The following OTP variants were observed in gnomAD, a reference collection of about 807,000 sequenced individuals.
OTP encodes the protein orthopedia homeobox.
OTP carries 5 observed loss-of-function variants against 22.3 expected under a neutral mutation model. The observed-to-expected ratio is 0.22, with a 90% confidence interval of 0.12 to 0.47. The LOEUF (loss-of-function observed/expected upper bound fraction) is 0.47. OTP is among the 20% of genes least tolerant of loss of function. The probability of loss-of-function intolerance (pLI) is 0.99; values close to 1 mark genes in which losing one functional copy is unlikely to be tolerated. For synonymous variants in OTP, 229 were observed against 210.6 expected (o/e 1.09, Z -0.76); for missense variants, 428 against 456.2 (o/e 0.94, Z 0.56).
chr5:77,630,366 C>A lies in OTP; in HGVS notation c.876G>T (p.Gln292His). ...CGCTGCTGTCCGGGGAGCTGCAGAGCTGGGGCGAACCGGAGACGTTGCTGG... is the reference window on the plus strand; with the variant it reads ...CGCTGCTGTCCGGGGAGCTGCAGAGATGGGGCGAACCGGAGACGTTGCTGG... ...PGPSNVSGSP[Q>H]LCSSPDSSDV... Residue 292 changes from glutamine (Q) to histidine (H), a missense_variant, in exon 3 of 3, where the codon CAG becomes CAT. Gln to His is a conservative substitution (Grantham distance 24, BLOSUM62 0). Transcript: ENST00000306422. 6.3e-7 allele frequency: 1 copy of A among 1,576,204 alleles called. No homozygotes were observed. The highest frequency in any genetic ancestry group is 8.6e-7 in the Non-Finnish European group (1 of 1,164,918).
At chr5:77,636,148 A>T (rs975831639) in intron 2 of OTP, 1 of 151,950 alleles carries the variant, frequency 6.6e-6, no homozygotes, top group African/African-American at 2.4e-5. Flanking sequence ...CCCCTCCCCC[A>T]CCGTAGCTTC....
At chr5:77,636,482 G>A (rs948379844) in intron 2 of OTP, 5 of 313,924 alleles carry the variant, frequency 1.6e-5, no homozygotes, top group African/African-American at 4.3e-5. Flanking sequence ...GCGAGCAGGA[G>A]TTGAGGTGTG....
At chr5:77,637,320 C>A (rs1168925055) in intron 1 of OTP, 90 bp from the exon 2 acceptor site, 3 of 1,380,022 alleles carry the variant, frequency 2.2e-6, no homozygotes, top group Admixed American at 5.7e-5. Flanking sequence ...AACCCGTCCT[C>A]GGCCCCCTCC....
chr5:77,635,726 A>C (rs2112371570), intron 2 of OTP, among the ~76,000 whole-genome samples: 1 of 152,334 alleles, frequency 6.6e-6, no homozygotes, highest in African/African-American at 2.4e-5. Flanking sequence ...GCACTGGTTT[A>C]ACAAATTGAC....
intron 1 of OTP, among the ~76,000 whole-genome samples, chr5:77,637,981 A>G (rs993094200): frequency 2.0e-5 from 3 of 152,074 alleles, no homozygotes; most frequent in Admixed American, 2.0e-4. Context: ...CTTGCAGAAG[A>G]GGGGGGGATG....
In OTP at chr5:77,630,659, T is replaced by TGGC. The variant is rs1561245310; in HGVS notation, c.580_582dup (p.Ala194dup). On this transcript the variant is annotated inframe_insertion, in exon 3 of 3. Transcript: ENST00000306422. ...TGGAAAGAGCACAGGCTGTCGCCCA[T>TGGC]GGCGGCGGCAGCGGCGGCGGCAGCC... The TGGC allele has an allele frequency of 1.3e-6, 2 of 1,579,266 alleles. No homozygotes were observed. The highest frequency in any genetic ancestry group is 2.3e-5 in the South Asian group (2 of 88,690).
rs368597395 is a variant in OTP, at chr5:77,637,022, C to T, written c.246G>A (p.Lys82=). The T allele has an allele frequency of 6.2e-7, 1 of 1,612,988 alleles. No homozygotes were observed. The highest frequency in any genetic ancestry group is 2.2e-5 in the East Asian group (1 of 44,854). Residue 82 remains lysine, a synonymous_variant, in exon 2 of 3, where the codon AAG becomes AAA. Transcript: ENST00000306422. ...TCGGGCCGCCCTGGGGCCCGGGCTG[C>T]TTGTCCGGGTCTTTGGCGCTCACCG... The part of the protein sequence containing the change: ...SLAVSAKDPD[K]QPGPQGGPNP...
intron 2 of OTP, among the ~76,000 whole-genome samples, chr5:77,633,004 G>A (rs1311679011): frequency 6.6e-6 from 1 of 152,148 alleles, no homozygotes. Flanking sequence ...TGACTAAACG[G>A]TTCCCACACC....
chr5:77,628,913 C>A lies in OTP; in HGVS notation c.*1351G>T, dbSNP rs1005276134. ...AGAATGCTTTATCTACACAAAACAT[C>A]CTATTTCACATATTTGTTCATTCTT... On this transcript the variant is annotated 3_prime_UTR_variant, in exon 3 of 3. Coordinates refer to ENST00000306422, the MANE Select transcript of OTP (RefSeq NM_032109.3). The A allele has an allele frequency of 6.6e-5, 10 of 152,616 alleles. No individual in the cohort carries two copies. The highest frequency in any genetic ancestry group is 2.4e-4 in the African/African-American group (10 of 41,438). The allele number at this position is 152,616 out of a possible 1,614,324, so 9.5% of individuals were successfully genotyped here.
Position 77,630,256 on chromosome 5 carries a change from C to A in OTP, c.*8G>T. The A allele has an allele frequency of 6.6e-7, 1 of 1,506,684 alleles. No homozygotes were observed. The highest frequency in any genetic ancestry group is 8.8e-7 in the Non-Finnish European group (1 of 1,131,598). 93.3% of individuals were successfully genotyped at this position (1,506,684 alleles called of 1,614,324 possible). A position where few individuals can be genotyped will look rare whatever the true frequency, so the allele number is the denominator to read the frequency against. On this transcript the variant is annotated 3_prime_UTR_variant, in exon 3 of 3. Coordinates refer to ENST00000306422, the MANE Select transcript of OTP (RefSeq NM_032109.3). ...GCTGGGGGCGGAGCGGGCCGGGGCG[C>A]GGCTGCATTAAGTGAAGCTCATAGA... is the stretch of plus-strand genomic sequence containing the variant.
intron 1 of OTP, among the ~76,000 whole-genome samples, chr5:77,638,273 G>T (rs1745041165): frequency 6.8e-6 from 1 of 148,146 alleles, no homozygotes; most frequent in African/African-American, 2.5e-5. Context: ...GGCGGGGGAG[G>T]GGGGAAGAGA....
chr5:77,635,009 C>T (rs1744986135), intron 2 of OTP, among the ~76,000 whole-genome samples: 1 of 152,124 alleles, frequency 6.6e-6, no homozygotes, highest in South Asian at 2.1e-4. Flanking sequence ...GAATAACTGT[C>T]ATTAACCTTT....
chr5:77,632,023 A>G (rs1744938909), intron 2 of OTP, among the ~76,000 whole-genome samples: 1 of 152,200 alleles, frequency 6.6e-6, no homozygotes. Context: ...ATCAAATTTA[A>G]TTTTGCTCAG....
chr5:77,630,832 T>C (rs990456744), intron 2 of OTP, 38 bp from the exon 3 acceptor site: 1 of 1,490,702 alleles, frequency 6.7e-7, no homozygotes, highest in African/African-American at 1.4e-5. Context: ...AGGGAGCTAT[T>C]AGCCGGCCCG....
At chr5:77,635,671 T>C (rs1415365273) in intron 2 of OTP, among the ~76,000 whole-genome samples, 1 of 152,220 alleles carries the variant, frequency 6.6e-6, no homozygotes, top group African/African-American at 2.4e-5. Flanking sequence ...TTAGATCAAA[T>C]GTAAAGTAAC....
At chr5:77,633,674 T>G (rs571023200) in intron 2 of OTP, among the ~76,000 whole-genome samples, 1 of 152,204 alleles carries the variant, frequency 6.6e-6, no homozygotes, top group Non-Finnish European at 1.5e-5. Flanking sequence ...TACAGTAATA[T>G]AGACATACTG....
chr5:77,631,352 C>T (rs1286122706), intron 2 of OTP, among the ~76,000 whole-genome samples: 1 of 152,130 alleles, frequency 6.6e-6, no homozygotes, highest in Non-Finnish European at 1.5e-5. Flanking sequence ...GAGGTTAATA[C>T]AGTGATCTGC....
At chr5:77,637,591 C>CG (rs573564915) in intron 1 of OTP, among the ~76,000 whole-genome samples, 231 of 152,266 alleles carry the variant, frequency 1.5e-3, no homozygotes, top group African/African-American at 5.4e-3. Flanking sequence ...CACAGGGGTG[C>CG]GGGGGGCAGA....
rs1745049810 is a variant in OTP, at chr5:77,638,636, C to T, written c.-87G>A. 1.6e-6 allele frequency: 2 copies of T among 1,277,600 alleles called. No homozygotes were observed. The highest frequency in any genetic ancestry group is 2.9e-5 in the Admixed American group (1 of 34,328). 79.1% of individuals were successfully genotyped at this position (1,277,600 alleles called of 1,614,324 possible). The stretch of plus-strand genomic sequence containing the variant: ...AAATAGATATAAGCTATAAGCTATA[C>T]GATATAGATATATATAGATCACCTA... On this transcript the variant is annotated 5_prime_UTR_variant, in exon 1 of 3. Coordinates refer to ENST00000306422, the MANE Select transcript of OTP (RefSeq NM_032109.3).
Sources: gnomAD v4.1 joint callset for allele counts (sites outside exome capture counted in the v4.1 genomes callset) on GRCh38, gnomAD v4.1.1 for gene constraint, MANE v1.5 for transcripts, NCBI Gene and HGNC (gene_info 2026-07-23, HGNC 2026-07-21) for gene names.